The following IL1RAPL2 variants were observed in gnomAD, a reference collection of about 807,000 sequenced individuals.
The protein encoded by IL1RAPL2 is interleukin 1 receptor accessory protein like 2, also known as X-linked interleukin-1 receptor accessory protein-like 2.
Under a neutral mutation model 44.1 loss-of-function variants are expected in IL1RAPL2, and 3 were observed. The observed-to-expected ratio is 0.07, with a 90% confidence interval of 0.03 to 0.18. IL1RAPL2 has a LOEUF of 0.18. IL1RAPL2 is among the 10% of genes least tolerant of loss of function. IL1RAPL2 has a pLI of 1.00. For missense variants in IL1RAPL2, 391 were observed against 496.4 expected, an observed-to-expected ratio of 0.79 and a Z score of 2.02; for synonymous variants, 181 against 178.8, an observed-to-expected ratio of 1.01 and a Z score of -0.10.
At chrX:105,337,886 A>ATC (rs1273992582) in intron 5 of IL1RAPL2, among the ~76,000 whole-genome samples, 1 of 91,713 alleles carries the variant, frequency 1.1e-5, no homozygotes, top group African/African-American at 8.0e-5. Flanking sequence ...GTGAGACTCC[A>ATC]TCTCACACAC....
intron 6 of IL1RAPL2, among the ~76,000 whole-genome samples, chrX:105,562,534 CACACACACACACACAT>C (rs1249278334): frequency 4.7e-5 from 5 of 107,269 alleles, no homozygotes; most frequent in African/African-American, 1.4e-4. Context: ...CACACACACA[CACACACACACACACAT>C]ACACACACCA....
chrX:105,401,999 C>T, intron 5 of IL1RAPL2, among the ~76,000 whole-genome samples: 1 of 109,923 alleles, frequency 9.1e-6, no homozygotes, highest in South Asian at 3.9e-4. Context: ...TCCTAATCTG[C>T]CATTTGAAGA....
intron 2 of IL1RAPL2, among the ~76,000 whole-genome samples, chrX:105,172,215 G>A (rs1332649436): frequency 8.9e-6 from 1 of 112,509 alleles, no homozygotes; most frequent in Non-Finnish European, 1.9e-5. Flanking sequence ...CCCCCTCAGG[G>A]GCCTGATAAC....
intron 3 of IL1RAPL2, chrX:105,218,873 C>CA: frequency 1.2e-6 from 1 of 824,895 alleles, no homozygotes; most frequent in Non-Finnish European, 1.8e-6. Flanking sequence ...CTTCCCCTAC[C>CA]ACCCCGGCCC....
At chrX:105,160,898 G>C (rs1269527520) in intron 2 of IL1RAPL2, among the ~76,000 whole-genome samples, 2 of 111,476 alleles carry the variant, frequency 1.8e-5, no homozygotes, top group African/African-American at 6.5e-5. Flanking sequence ...TATTTGCAAT[G>C]GTCCATCTGG....
intron 6 of IL1RAPL2, among the ~76,000 whole-genome samples, chrX:105,558,010 TA>T (rs921990560): frequency 3.7e-4 from 40 of 108,740 alleles, no homozygotes; most frequent in South Asian, 2.4e-3. Context: ...TCAAACCGGT[TA>T]AAAAAAAAGG....
chrX:105,067,370 A>G (rs1049304382), intron 2 of IL1RAPL2, among the ~76,000 whole-genome samples: 1 of 111,606 alleles, frequency 9.0e-6, no homozygotes. Flanking sequence ...TAAATGCTCC[A>G]TAGTACATTC....
intron 2 of IL1RAPL2, among the ~76,000 whole-genome samples, chrX:105,000,329 A>C (rs1028296712): frequency 5.4e-5 from 6 of 111,910 alleles, no homozygotes; most frequent in Non-Finnish European, 9.4e-5. Flanking sequence ...CCTTGAGGTT[A>C]GTGACTTAAC....
chrX:105,056,262 A>C (rs1317322425), intron 2 of IL1RAPL2, among the ~76,000 whole-genome samples: 1 of 111,912 alleles, frequency 8.9e-6, no homozygotes, highest in Non-Finnish European at 1.9e-5. Context: ...CATTTCAATC[A>C]AAGAACATCA....
chrX:105,404,090 A>G (rs747953771), intron 5 of IL1RAPL2, among the ~76,000 whole-genome samples: 1 of 111,720 alleles, frequency 9.0e-6, no homozygotes, highest in African/African-American at 3.3e-5. Context: ...TAATTGATTG[A>G]TCCTTGTGTC....
chrX:104,716,686 G>A (rs754790109), intron 2 of IL1RAPL2, among the ~76,000 whole-genome samples: 12 of 111,418 alleles, frequency 1.1e-4, no homozygotes, highest in African/African-American at 3.9e-4. Context: ...CAACATCACT[G>A]ATTATTAGAG....
intron 3 of IL1RAPL2, among the ~76,000 whole-genome samples, chrX:105,215,514 C>T (rs1053560010): frequency 2.7e-5 from 3 of 111,516 alleles, no homozygotes; most frequent in African/African-American, 6.5e-5. Flanking sequence ...GATTCACAGC[C>T]GAATTCTACC....
At chrX:104,880,084 T>A (rs1291872051) in intron 2 of IL1RAPL2, among the ~76,000 whole-genome samples, 4 of 108,988 alleles carry the variant, frequency 3.7e-5, no homozygotes, top group East Asian at 2.9e-4. Context: ...AATTTTTTTT[T>A]ATCTGCTACT....
At chrX:104,951,554 T>C (rs1399274464) in intron 2 of IL1RAPL2, among the ~76,000 whole-genome samples, 1 of 112,567 alleles carries the variant, frequency 8.9e-6, no homozygotes, top group Admixed American at 9.4e-5. Context: ...ATAAAACCCA[T>C]TTCATGAAAG....
At chrX:105,739,564 G>C (rs1178742107) in intron 7 of IL1RAPL2, among the ~76,000 whole-genome samples, 2 of 92,176 alleles carry the variant, frequency 2.2e-5, no homozygotes, top group Non-Finnish European at 4.2e-5. Context: ...TGATCTCATT[G>C]TTCAATTCCC....
At chrX:105,087,920 C>A (rs1295060144) in intron 2 of IL1RAPL2, among the ~76,000 whole-genome samples, 1 of 111,938 alleles carries the variant, frequency 8.9e-6, no homozygotes, top group African/African-American at 3.2e-5. Flanking sequence ...AAAATGTTGG[C>A]ACTTCTGCCT....
intron 6 of IL1RAPL2, among the ~76,000 whole-genome samples, chrX:105,586,539 AG>A (rs1037188886): frequency 6.3e-5 from 7 of 111,793 alleles, no homozygotes; most frequent in African/African-American, 2.3e-4. Context: ...TTATGCCCAG[AG>A]AAGCTTTTGC....
chrX:105,309,258 A>G (rs1333709385), intron 5 of IL1RAPL2, among the ~76,000 whole-genome samples: 1 of 106,068 alleles, frequency 9.4e-6, no homozygotes, highest in Non-Finnish European at 1.9e-5. Context: ...GCTGGTCTCA[A>G]ACTCCTGACC....
At chrX:105,119,180 A>C (rs1330032104) in intron 2 of IL1RAPL2, among the ~76,000 whole-genome samples, 4 of 111,077 alleles carry the variant, frequency 3.6e-5, no homozygotes, top group African/African-American at 9.8e-5. Flanking sequence ...GAACTTAGAT[A>C]CTTTTTTTTT....
Sources: gnomAD v4.1 joint callset for allele counts (sites outside exome capture counted in the v4.1 genomes callset) on GRCh38, gnomAD v4.1.1 for gene constraint, MANE v1.5 for transcripts, NCBI Gene and HGNC (gene_info 2026-07-23, HGNC 2026-07-21) for gene names.